The following CNTNAP2 variants were observed in gnomAD, a reference collection of about 807,000 sequenced individuals.
CNTNAP2 encodes the protein contactin-associated protein-like 2.
CNTNAP2 carries 98 observed loss-of-function variants against 155.2 expected under a neutral mutation model. That is an observed-to-expected ratio of 0.63 (90% CI 0.54 to 0.75). The LOEUF is 0.75. Ranked by LOEUF, CNTNAP2 falls within the 30% of genes least tolerant of loss-of-function variation. CNTNAP2 has a pLI of 0.00. For missense variants in CNTNAP2, 1,727 were observed against 1,688.1 expected (o/e 1.02, Z -0.40); for synonymous variants, 651 against 631.2 (o/e 1.03, Z -0.47).
intron 1 of CNTNAP2, among the ~76,000 whole-genome samples, chr7:146,458,534 A>C (rs975439859): frequency 6.6e-6 from 1 of 152,142 alleles, no homozygotes; most frequent in African/African-American, 2.4e-5. Flanking sequence ...ATGTGGTACA[A>C]TTTTTGTGGA....
chr7:147,116,950 T>C (rs1264057324), intron 5 of CNTNAP2, among the ~76,000 whole-genome samples: 7 of 152,184 alleles, frequency 4.6e-5, no homozygotes, highest in Non-Finnish European at 1.0e-4. Context: ...GTCGACCAAA[T>C]AGCAGAGATG....
At chr7:147,840,600 A>T (rs1481165099) in intron 13 of CNTNAP2, among the ~76,000 whole-genome samples, 1 of 152,192 alleles carries the variant, frequency 6.6e-6, no homozygotes, top group East Asian at 1.9e-4. Flanking sequence ...GAATCAAAGG[A>T]TCTTAAGTAG....
intron 9 of CNTNAP2, among the ~76,000 whole-genome samples, chr7:147,334,508 G>T (rs1240642727): frequency 6.6e-6 from 1 of 152,156 alleles, no homozygotes; most frequent in African/African-American, 2.4e-5. Flanking sequence ...TTCCATAGAA[G>T]ATAGAAATTG....
chr7:148,193,309 C>T (rs141717027), intron 18 of CNTNAP2, among the ~76,000 whole-genome samples: 4 of 152,112 alleles, frequency 2.6e-5, no homozygotes, highest in Non-Finnish European at 5.9e-5. Flanking sequence ...GCCAACCTAG[C>T]CATTAGGTGG....
chr7:147,385,324 A>C (rs1408821731), intron 9 of CNTNAP2, among the ~76,000 whole-genome samples: 1 of 152,162 alleles, frequency 6.6e-6, no homozygotes, highest in Non-Finnish European at 1.5e-5. Flanking sequence ...CCTTCCCAAC[A>C]GTCCCCCAAA....
chr7:146,867,493 G>T (rs1338311359), intron 3 of CNTNAP2, among the ~76,000 whole-genome samples: 1 of 152,088 alleles, frequency 6.6e-6, no homozygotes, highest in Non-Finnish European at 1.5e-5. Context: ...ACGTGCATGT[G>T]TCTTTATGGT....
At chr7:146,428,686 C>T (rs1220330110) in intron 1 of CNTNAP2, among the ~76,000 whole-genome samples, 1 of 151,620 alleles carries the variant, frequency 6.6e-6, no homozygotes, top group Non-Finnish European at 1.5e-5. Context: ...AAATCTTCTC[C>T]CATTTTGTAG....
At chr7:146,747,634 A>G (rs1398369172) in intron 1 of CNTNAP2, among the ~76,000 whole-genome samples, 1 of 152,196 alleles carries the variant, frequency 6.6e-6, no homozygotes, top group Non-Finnish European at 1.5e-5. Flanking sequence ...CAAAGATCAA[A>G]GTAACCCATT....
intron 3 of CNTNAP2, among the ~76,000 whole-genome samples, chr7:146,881,578 G>A (rs1417903718): frequency 6.6e-6 from 1 of 151,826 alleles, no homozygotes; most frequent in East Asian, 1.9e-4. Context: ...TATTGGTTAT[G>A]TTTTGCTAAA....
chr7:148,229,512 G>A (rs989676665), intron 19 of CNTNAP2, 134 bp from the exon 20 acceptor site: 1 of 1,210,782 alleles, frequency 8.3e-7, no homozygotes, highest in African/African-American at 1.5e-5. Context: ...GCAAGAGCAA[G>A]ACTCCGTCAA....
At chr7:147,311,141 G>C (rs1795118581) in intron 9 of CNTNAP2, among the ~76,000 whole-genome samples, 2 of 152,230 alleles carry the variant, frequency 1.3e-5, no homozygotes, top group African/African-American at 4.8e-5. Flanking sequence ...GCTAAAACTG[G>C]ATTTTACAAG....
intron 2 of CNTNAP2, chr7:146,786,946 GGAAA>G (rs1449095043): frequency 2.0e-5 from 3 of 152,132 alleles, no homozygotes; most frequent in African/African-American, 7.2e-5. Flanking sequence ...ATCCACAACC[GGAAA>G]GACTCTTCTG....
At chr7:147,325,353 A>C (rs575945303) in intron 9 of CNTNAP2, among the ~76,000 whole-genome samples, 1 of 152,246 alleles carries the variant, frequency 6.6e-6, no homozygotes, top group Non-Finnish European at 1.5e-5. Context: ...CTAACTAAAC[A>C]CAACTTATTT....
chr7:147,260,373 C>T (rs1282859732), intron 8 of CNTNAP2, among the ~76,000 whole-genome samples: 1 of 152,142 alleles, frequency 6.6e-6, no homozygotes, highest in African/African-American at 2.4e-5. Flanking sequence ...ATATAAAATG[C>T]AAGCCTATAC....
intron 13 of CNTNAP2, among the ~76,000 whole-genome samples, chr7:147,857,815 C>T (rs1417169380): frequency 6.6e-6 from 1 of 152,176 alleles, no homozygotes; most frequent in African/African-American, 2.4e-5. Context: ...TATGAATATA[C>T]ATCTCTAATA....
chr7:147,814,301 GC>G (rs1798231391), intron 13 of CNTNAP2, among the ~76,000 whole-genome samples: 1 of 152,096 alleles, frequency 6.6e-6, no homozygotes, highest in African/African-American at 2.4e-5. Context: ...CATCTAGAAA[GC>G]TTTTGTTACA....
chr7:147,076,706 G>T (rs1342832266), intron 4 of CNTNAP2, among the ~76,000 whole-genome samples: 1 of 152,116 alleles, frequency 6.6e-6, no homozygotes, highest in Non-Finnish European at 1.5e-5. Context: ...GTTGTTCCTT[G>T]TTACTTCTGT....
chr7:147,053,737 TA>T (rs1799511870), intron 4 of CNTNAP2, among the ~76,000 whole-genome samples: 1 of 152,162 alleles, frequency 6.6e-6, no homozygotes, highest in Non-Finnish European at 1.5e-5. Flanking sequence ...AAATTTTTCA[TA>T]AAATAATTTC....
At chr7:148,245,692 T>A (rs1232626075) in intron 20 of CNTNAP2, among the ~76,000 whole-genome samples, 1 of 152,168 alleles carries the variant, frequency 6.6e-6, no homozygotes, top group Non-Finnish European at 1.5e-5. Flanking sequence ...CGAGTAGATT[T>A]GAACACACAA....
Sources: gnomAD v4.1 joint callset for allele counts (sites outside exome capture counted in the v4.1 genomes callset) on GRCh38, gnomAD v4.1.1 for gene constraint, MANE v1.5 for transcripts, NCBI Gene and HGNC (gene_info 2026-07-23, HGNC 2026-07-21) for gene names.